ARHGAP26: variants seen among roughly 807,000 people sequenced by gnomAD.
The protein encoded by ARHGAP26 is Rho GTPase activating protein 26, also known as rho GTPase-activating protein 26.
ARHGAP26 carries 38 observed loss-of-function variants against 104.8 expected under a neutral mutation model. That is an observed-to-expected ratio of 0.36 (90% CI 0.28 to 0.48). The LOEUF is 0.48. Among genes scored for constraint, ARHGAP26 ranks in the 20% least tolerant of loss-of-function variants. ARHGAP26 has a pLI of 0.99. For missense variants in ARHGAP26, 704 were observed against 947.9 expected (o/e 0.74, Z 3.38); for synonymous variants, 341 against 340.0 (o/e 1.00, Z -0.03).
At position 143,010,466 on chromosome 5, in the gene ARHGAP26, G is replaced by C. The variant is rs552777745; in HGVS notation, c.1108-3614G>C. ...GTGCTAGGTAAACAAAACCATTCCT[G>C]CTTAGTGCTGTGACTGAGCCACCAT... On this transcript the variant is annotated intron_variant, in intron 11 of 22. Coordinates refer to ENST00000645722, the MANE Select transcript of ARHGAP26 (RefSeq NM_001135608.3). Among the ~76,000 whole-genome samples the C allele has an allele frequency of 3.3e-5, 5 of 152,352 alleles. No individual in the cohort carries two copies. The East Asian group carries it at 9.7e-4, about 29-fold the overall frequency.
rs550979845 is a variant in ARHGAP26, at chr5:143,225,822, A to G, written c.*3376A>G. 1.3e-5 allele frequency: 3 copies of G among 228,986 alleles called. No homozygotes were observed. Among genetic ancestry groups the G allele is most frequent in the African/African-American group, 4.4e-5 (2 of 45,014 alleles). 14.2% of individuals were successfully genotyped at this position (228,986 alleles called of 1,614,324 possible). Reference sequence around the variant, plus strand: ...TGTGGCTGTGCGGTGCCCTTGACAGATGGCTTCTCTGTTTCCCTTTGCCCA... The same window carrying G: ...TGTGGCTGTGCGGTGCCCTTGACAGGTGGCTTCTCTGTTTCCCTTTGCCCA... On this transcript the variant is annotated 3_prime_UTR_variant, in exon 23 of 23. Transcript: ENST00000645722.
chr5:143,057,213 A>G (rs1007354149), intron 16 of ARHGAP26, among the ~76,000 whole-genome samples: 5 of 152,164 alleles, frequency 3.3e-5, no homozygotes, highest in African/African-American at 9.7e-5. Context: ...TGCTGTCTCA[A>G]GGTGTTATTT....
At chr5:143,183,776 T>C (rs991265508) in intron 20 of ARHGAP26, among the ~76,000 whole-genome samples, 4 of 152,286 alleles carry the variant, frequency 2.6e-5, no homozygotes, top group African/African-American at 9.6e-5. Flanking sequence ...TGACTACCAG[T>C]GTGAGTCCTG....
At chr5:142,880,632 A>G (rs1386982040) in intron 4 of ARHGAP26, among the ~76,000 whole-genome samples, 3 of 152,186 alleles carry the variant, frequency 2.0e-5, no homozygotes, top group East Asian at 1.9e-4. Flanking sequence ...AAGATTTCCA[A>G]CGTTTTCTTC....
At chr5:142,893,295 C>T (rs148353482) in intron 5 of ARHGAP26, among the ~76,000 whole-genome samples, 126 of 152,192 alleles carry the variant, frequency 8.3e-4, no homozygotes, top group African/African-American at 2.8e-3. Context: ...TTCTTAGCCT[C>T]TGATAACTCT....
intron 17 of ARHGAP26, among the ~76,000 whole-genome samples, chr5:143,120,468 T>C (rs954113538): frequency 2.0e-5 from 3 of 152,236 alleles, no homozygotes; most frequent in African/African-American, 7.2e-5. Flanking sequence ...TTTAATACTT[T>C]ACATCTAAAG....
intron 20 of ARHGAP26, chr5:143,164,969 T>C (rs1801733273): frequency 6.6e-6 from 1 of 152,224 alleles, no homozygotes. Context: ...TAGAACCCTA[T>C]TTGTATGCTG....
At chr5:142,843,960 A>G (rs548066736) in intron 1 of ARHGAP26, among the ~76,000 whole-genome samples, 2 of 152,090 alleles carry the variant, frequency 1.3e-5, no homozygotes, top group East Asian at 3.9e-4. Context: ...TCTAGAGATG[A>G]TAACTGTCTC....
In ARHGAP26 at chr5:143,057,451, A is replaced by G. The variant is rs539313078; in HGVS notation, c.1433-191A>G. Among the ~76,000 whole-genome samples, 7 of 152,286 alleles carry G rather than the reference A, an allele frequency of 4.6e-5. No homozygotes were observed. In the South Asian group the frequency reaches 6.2e-4, roughly 14 times the overall value. On this transcript the variant is annotated intron_variant, in intron 16 of 22. Transcript: ENST00000645722. ...ACAATTTTTTTGGCAACCCTGTTCCAGAAAGCACCATTAAAAGGACTTCCA... is the reference window on the plus strand; with the variant it reads ...ACAATTTTTTTGGCAACCCTGTTCCGGAAAGCACCATTAAAAGGACTTCCA...
intron 5 of ARHGAP26, 59 bp from the exon 6 acceptor site, chr5:142,894,179 C>T (rs192642123): frequency 3.5e-5 from 49 of 1,419,996 alleles, no homozygotes; most frequent in South Asian, 1.1e-4. Flanking sequence ...GACCTGCTTT[C>T]GGAATGCTAT....
intron 20 of ARHGAP26, among the ~76,000 whole-genome samples, chr5:143,161,671 G>C (rs1801256850): frequency 6.6e-6 from 1 of 152,180 alleles, no homozygotes; most frequent in South Asian, 2.1e-4. Flanking sequence ...TCCCCTGCCT[G>C]TAGGACAATA....
chr5:143,139,554 T>C (rs1472881654), intron 19 of ARHGAP26, among the ~76,000 whole-genome samples: 2 of 152,306 alleles, frequency 1.3e-5, no homozygotes, highest in Non-Finnish European at 2.9e-5. Context: ...AGTTGAACCA[T>C]ATTGAATGGG....
intron 19 of ARHGAP26, among the ~76,000 whole-genome samples, chr5:143,137,417 C>T (rs1336790172): frequency 6.6e-6 from 1 of 152,232 alleles, no homozygotes; most frequent in Admixed American, 6.5e-5. Context: ...TGTGCCCTTT[C>T]AGTTCATAGT....
intron 17 of ARHGAP26, 179 bp downstream of exon 17, chr5:143,057,926 G>C (rs1598836166): frequency 2.8e-6 from 2 of 710,652 alleles, no homozygotes; most frequent in South Asian, 3.0e-5. Flanking sequence ...GCAAATGCCA[G>C]ATGGCCTTCC....
intron 1 of ARHGAP26, among the ~76,000 whole-genome samples, chr5:142,858,452 C>A (rs1335246910): frequency 2.0e-5 from 3 of 151,952 alleles, no homozygotes; most frequent in African/African-American, 7.3e-5. Flanking sequence ...TTTTGTGTGT[C>A]GTGAAGGAGT....
At chr5:143,058,499 G>A (rs1786198297) in intron 17 of ARHGAP26, among the ~76,000 whole-genome samples, 1 of 152,228 alleles carries the variant, frequency 6.6e-6, no homozygotes, top group African/African-American at 2.4e-5. Context: ...CACTACTTGT[G>A]TGTGTGTTCT....
intron 20 of ARHGAP26, among the ~76,000 whole-genome samples, chr5:143,148,300 C>T (rs1412882341): frequency 6.6e-6 from 1 of 152,198 alleles, no homozygotes; most frequent in South Asian, 2.1e-4. Context: ...TAACCTTTTC[C>T]TGCTCCTCCA....
chr5:142,918,775 T>G (rs1187066893), intron 10 of ARHGAP26, among the ~76,000 whole-genome samples: 1 of 152,218 alleles, frequency 6.6e-6, no homozygotes, highest in Non-Finnish European at 1.5e-5. Flanking sequence ...AAGATTTCAT[T>G]GTTCCTAACA....
chr5:142,969,430 T>G (rs1329114458), intron 11 of ARHGAP26: 1 of 152,188 alleles, frequency 6.6e-6, no homozygotes, highest in African/African-American at 2.4e-5. Flanking sequence ...CTGCCGTTGA[T>G]CAGTCCCAAT....
Sources: gnomAD v4.1 joint callset for allele counts (sites outside exome capture counted in the v4.1 genomes callset) on GRCh38, gnomAD v4.1.1 for gene constraint, MANE v1.5 for transcripts, NCBI Gene and HGNC (gene_info 2026-07-23, HGNC 2026-07-21) for gene names.